The following IARS1 variants were observed in gnomAD, a reference collection of about 807,000 sequenced individuals.
IARS1 encodes isoleucyl-tRNA synthetase 1.
In IARS1, 124 loss-of-function variants were observed where a neutral mutation model predicts 168.2. That is an observed-to-expected ratio of 0.74 (90% CI 0.64 to 0.86). The LOEUF is 0.86. IARS1 is among the 40% of genes least tolerant of loss of function. The pLI is 0.00. For synonymous variants in IARS1, 532 were observed against 529.4 expected, an observed-to-expected ratio of 1.00 and a Z score of -0.07; for missense variants, 1,452 against 1,515.8, an observed-to-expected ratio of 0.96 and a Z score of 0.70.
At chr9:92,239,083 G>A (rs1239388110) in intron 30 of IARS1, among the ~76,000 whole-genome samples, 1 of 152,098 alleles carries the variant, frequency 6.6e-6, no homozygotes, top group Non-Finnish European at 1.5e-5. Context: ...AGTGCTTGCT[G>A]GACCCATGAG....
chr9:92,268,467 A>G (rs1049500893), intron 13 of IARS1, among the ~76,000 whole-genome samples, 167 bp from the exon 14 acceptor site: 2 of 152,234 alleles, frequency 1.3e-5, no homozygotes, highest in African/African-American at 4.8e-5. Context: ...TAGCACACAC[A>G]ACAGTTTGTG....
At chr9:92,286,910 C>T (rs1564189759) in intron 4 of IARS1, among the ~76,000 whole-genome samples, 1 of 152,080 alleles carries the variant, frequency 6.6e-6, no homozygotes, top group Non-Finnish European at 1.5e-5. Context: ...CTGGCAAAAA[C>T]CATCCATGGA....
At chr9:92,267,908 A>G (rs1295143662) in intron 14 of IARS1, among the ~76,000 whole-genome samples, 2 of 152,200 alleles carry the variant, frequency 1.3e-5, no homozygotes, top group Non-Finnish European at 2.9e-5. Context: ...AAAAACATTT[A>G]AAGTGTGTAT....
At chr9:92,239,430 T>A (rs1430411910) in intron 30 of IARS1, among the ~76,000 whole-genome samples, 1 of 152,238 alleles carries the variant, frequency 6.6e-6, no homozygotes, top group Non-Finnish European at 1.5e-5. Flanking sequence ...TCTTCCCCTG[T>A]AAGTTAGGTG....
intron 33 of IARS1, among the ~76,000 whole-genome samples, chr9:92,214,909 T>G (rs1189403509): frequency 6.6e-6 from 1 of 152,216 alleles, no homozygotes; most frequent in East Asian, 1.9e-4. Flanking sequence ...TCGAATTGGG[T>G]GGAGCCCACC....
chr9:92,222,609 G>A lies in IARS1; in HGVS notation c.3617C>T (p.Thr1206Ile). ...LENPLGQNGL[T>I]HQGLLYEAAK... ...TGCTTCATACAGAAGACCTTGGTGG[G>A]TGAGTCCATTCTGCCCAAGTGGGTT... Residue 1206 changes from threonine (T) to isoleucine (I), a missense_variant, in exon 33 of 34, where the codon ACC becomes ATC. Physicochemically the swap from Thr to Ile is moderately conservative, Grantham distance 89. Coordinates refer to ENST00000443024, the MANE Select transcript of IARS1 (RefSeq NM_002161.6). 6.2e-7 allele frequency: 1 copy of A among 1,614,042 alleles called. No individual in the cohort carries two copies. The highest frequency in any genetic ancestry group is 8.5e-7 in the Non-Finnish European group (1 of 1,179,972).
chr9:92,267,415 G>A (rs1832433946), intron 14 of IARS1, among the ~76,000 whole-genome samples: 1 of 152,306 alleles, frequency 6.6e-6, no homozygotes, highest in Middle Eastern at 3.4e-3. Flanking sequence ...GTCAGCTTTG[G>A]ACAGAAGGCC....
chr9:92,217,843 G>C (rs1175954), intron 33 of IARS1, among the ~76,000 whole-genome samples: 17,405 of 151,824 alleles, frequency 0.11, 1,120 homozygotes, highest in South Asian at 0.22. Flanking sequence ...TCTACCAGAG[G>C]TACAAGGAGG....
chr9:92,239,368 T>C (rs1479008355), intron 30 of IARS1, among the ~76,000 whole-genome samples: 1 of 152,254 alleles, frequency 6.6e-6, no homozygotes, highest in Non-Finnish European at 1.5e-5. Flanking sequence ...AAATGCTGCC[T>C]TTTCATTTTC....
At chr9:92,244,377 C>T (rs1343487811) in intron 27 of IARS1, among the ~76,000 whole-genome samples, 2 of 152,150 alleles carry the variant, frequency 1.3e-5, no homozygotes, top group East Asian at 3.9e-4. Context: ...TTCCCCTGCA[C>T]ATGGTATGCT....
rs954993738 is a variant in IARS1, at chr9:92,246,857, T to C, written c.2791+520A>G. On this transcript the variant is annotated intron_variant, in intron 26 of 33. Transcript: ENST00000443024. ...TTTTCTTTCTAAACTGTAAGAATTATTTATAATAAACATTTTTATCAACAG... is the reference window on the plus strand; with the variant it reads ...TTTTCTTTCTAAACTGTAAGAATTACTTATAATAAACATTTTTATCAACAG... Among the ~76,000 whole-genome samples, 3 of 152,182 alleles carry C rather than the reference T, an allele frequency of 2.0e-5. No homozygotes were observed. The East Asian group carries it at 5.8e-4, about 29-fold the overall frequency.
At chr9:92,231,385 G>A (rs1177514460) in intron 30 of IARS1, among the ~76,000 whole-genome samples, 1 of 151,590 alleles carries the variant, frequency 6.6e-6, no homozygotes, top group African/African-American at 2.4e-5. Flanking sequence ...TGTGCATGTA[G>A]GTATGTTACG....
intron 7 of IARS1, 85 bp from the exon 8 acceptor site, chr9:92,278,371 C>A: frequency 1.1e-6 from 1 of 885,940 alleles, no homozygotes; most frequent in Non-Finnish European, 1.9e-6. Context: ...TACTTTTGTC[C>A]TGAGGAGCTC....
chr9:92,228,965 G>A (rs753996831), intron 31 of IARS1, 36 bp downstream of exon 31: 1 of 1,611,920 alleles, frequency 6.2e-7, no homozygotes, highest in Non-Finnish European at 8.5e-7. Context: ...TCCATCTTGA[G>A]TCAAAGGACG....
intron 13 of IARS1, among the ~76,000 whole-genome samples, chr9:92,269,430 C>T (rs1249452724): frequency 1.3e-5 from 2 of 152,202 alleles, no homozygotes; most frequent in East Asian, 1.9e-4. Context: ...AAAGCAAAGG[C>T]TTCTGTGCTT....
intron 29 of IARS1, 107 bp downstream of exon 29, chr9:92,242,047 G>C (rs566903417): frequency 2.4e-6 from 2 of 828,730 alleles, no homozygotes; most frequent in South Asian, 1.6e-5. Context: ...TCAAGACAGA[G>C]TGCTGTGCCG....
chr9:92,220,752 A>C (rs1839547794), intron 33 of IARS1, among the ~76,000 whole-genome samples: 1 of 152,152 alleles, frequency 6.6e-6, no homozygotes, highest in Admixed American at 6.5e-5. Flanking sequence ...GATCACTTGA[A>C]GGCAGGAGTT....
At position 92,223,337 on chromosome 9, in the gene IARS1, G is replaced by A. The variant is rs756392976; in HGVS notation, c.3553+9C>T. On this transcript the variant is annotated intron_variant, in intron 32 of 33. Transcript: ENST00000443024. ...CCCCACAGTCTGCCTGCTGTGGGGA[G>A]GCACATACCTTGTGGCTTTGCATTC... 6.2e-7 allele frequency: 1 copy of A among 1,605,434 alleles called. No homozygotes were observed.
chr9:92,218,852 T>C (rs2133367479), intron 33 of IARS1, among the ~76,000 whole-genome samples: 1 of 151,460 alleles, frequency 6.6e-6, no homozygotes. Context: ...CTGCCCAAGG[T>C]AATTTATAGA....
Sources: gnomAD v4.1 joint callset for allele counts (sites outside exome capture counted in the v4.1 genomes callset) on GRCh38, gnomAD v4.1.1 for gene constraint, MANE v1.5 for transcripts, NCBI Gene and HGNC (gene_info 2026-07-23, HGNC 2026-07-21) for gene names.